MYO1D: variants seen among roughly 807,000 people sequenced by gnomAD.
The protein encoded by MYO1D is myosin ID.
Under a neutral mutation model 122.0 loss-of-function variants are expected in MYO1D, and 83 were observed. The ratio of observed to expected loss-of-function variants is 0.68; its 90% CI spans 0.57 to 0.82. The LOEUF (loss-of-function observed/expected upper bound fraction) is 0.82. MYO1D is among the 40% of genes least tolerant of loss of function. The pLI, the probability that MYO1D is intolerant of heterozygous loss-of-function variation, is 0.00. For missense variants in MYO1D, 1,157 were observed against 1,269.5 expected (o/e 0.91, Z 1.35); for synonymous variants, 464 against 446.9 (o/e 1.04, Z -0.48).
At chr17:32,538,480 TG>T in intron 21 of MYO1D, among the ~76,000 whole-genome samples, 1 of 149,306 alleles carries the variant, frequency 6.7e-6, no homozygotes, top group Non-Finnish European at 1.5e-5. Context: ...TTTTTTTTTT[TG>T]TAGAGATGGG....
intron 16 of MYO1D, among the ~76,000 whole-genome samples, chr17:32,677,348 T>C (rs919326417): frequency 6.6e-6 from 1 of 152,046 alleles, no homozygotes; most frequent in Non-Finnish European, 1.5e-5. Context: ...TTATCCATAA[T>C]TAAAAATGTG....
intron 16 of MYO1D, among the ~76,000 whole-genome samples, chr17:32,679,086 G>A (rs1043374168): frequency 1.8e-4 from 27 of 151,930 alleles, no homozygotes; most frequent in East Asian, 5.8e-4. Flanking sequence ...CATGTCCTTC[G>A]CCCACTTTTT....
chr17:32,560,095 A>T (rs1209836940), intron 21 of MYO1D, among the ~76,000 whole-genome samples: 1 of 152,082 alleles, frequency 6.6e-6, no homozygotes, highest in Non-Finnish European at 1.5e-5. Context: ...ATCTCTACTA[A>T]AAATACAAAA....
At chr17:32,645,217 CT>C (rs1406630072) in intron 19 of MYO1D, among the ~76,000 whole-genome samples, 1 of 152,194 alleles carries the variant, frequency 6.6e-6, no homozygotes, top group Non-Finnish European at 1.5e-5. Flanking sequence ...AAATTCTTTT[CT>C]TTAAGAATGT....
At chr17:32,850,573 G>A (rs892442261) in intron 1 of MYO1D, among the ~76,000 whole-genome samples, 2 of 152,100 alleles carry the variant, frequency 1.3e-5, no homozygotes, top group Admixed American at 6.6e-5. Context: ...CTCTTTCATT[G>A]TTTCTCTATA....
chr17:32,867,849 T>A, intron 1 of MYO1D, among the ~76,000 whole-genome samples: 1 of 131,618 alleles, frequency 7.6e-6, no homozygotes, highest in Non-Finnish European at 1.6e-5. Context: ...CTAGCTTTAA[T>A]ACCAGGAGAT....
At chr17:32,497,477 C>T (rs962047735) in intron 21 of MYO1D, 6 of 152,158 alleles carry the variant, frequency 3.9e-5, no homozygotes, top group African/African-American at 1.2e-4. Context: ...AATAAATCGG[C>T]ACCCAGGATA....
At chr17:32,725,087 G>C (rs1329838461) in intron 14 of MYO1D, among the ~76,000 whole-genome samples, 1 of 152,154 alleles carries the variant, frequency 6.6e-6, no homozygotes, top group Non-Finnish European at 1.5e-5. Context: ...CATGTTCAAG[G>C]TGACAAAAGA....
At chr17:32,631,064 TAC>T (rs2087998967) in intron 20 of MYO1D, among the ~76,000 whole-genome samples, 1 of 152,196 alleles carries the variant, frequency 6.6e-6, no homozygotes, top group African/African-American at 2.4e-5. Context: ...CATCTCCAAA[TAC>T]AGTCACTTTC....
Position 32,638,782 on chromosome 17 carries a change from G to T in MYO1D, c.2649C>A (p.His883Gln). ...EDRAIFVTDR[H>Q]LYKMDPTKQY... ...GTTTAGTGGGATCCATTTTATACAGGTGACGGTCAGTGACAAAAATTGCTC... is the reference window on the plus strand; with the variant it reads ...GTTTAGTGGGATCCATTTTATACAGTTGACGGTCAGTGACAAAAATTGCTC... Residue 883 changes from histidine to glutamine, a missense_variant, in exon 20 of 22, where the codon CAC becomes CAA. Coordinates refer to ENST00000318217, the MANE Select transcript of MYO1D (RefSeq NM_015194.3). 6.2e-7 allele frequency: 1 copy of T among 1,613,902 alleles called. No homozygotes were observed. The highest frequency in any genetic ancestry group is 1.1e-5 in the South Asian group (1 of 91,066).
chr17:32,579,241 A>G (rs1185654695), intron 21 of MYO1D, among the ~76,000 whole-genome samples: 1 of 151,470 alleles, frequency 6.6e-6, no homozygotes, highest in African/African-American at 2.4e-5. Flanking sequence ...GTAATTTTTA[A>G]ATTTTTTTGT....
Position 32,654,604 on chromosome 17 carries a change from A to G in MYO1D, c.2363T>C (p.Leu788Pro). 6.2e-7 allele frequency: 1 copy of G among 1,611,268 alleles called. No individual in the cohort carries two copies. Among genetic ancestry groups the G allele is most frequent in the Non-Finnish European group, 8.5e-7 (1 of 1,178,986 alleles). Residue 788 changes from leucine to proline, a missense_variant, in exon 18 of 22, where the codon CTC becomes CCC. By Grantham distance (98) the Leu-to-Pro change is moderately conservative. Coordinates refer to ENST00000318217, the MANE Select transcript of MYO1D (RefSeq NM_015194.3). ...TIFNRWRASQLIKSIPASDLP... is the reference protein window; with the variant it reads ...TIFNRWRASQPIKSIPASDLP... ...GTCTGAGGCCGGAATGCTCTTGATG[A>G]GCTGGGATGCTCTCCATCTACAAGT...
chr17:32,697,383 C>T (rs1302215536), intron 16 of MYO1D, among the ~76,000 whole-genome samples: 5 of 152,132 alleles, frequency 3.3e-5, no homozygotes, highest in East Asian at 3.8e-4. Context: ...ATCAAAGGTA[C>T]GCTTTTGTTT....
At chr17:32,677,178 A>G (rs1329052483) in intron 16 of MYO1D, among the ~76,000 whole-genome samples, 1 of 152,144 alleles carries the variant, frequency 6.6e-6, no homozygotes, top group Non-Finnish European at 1.5e-5. Context: ...TACTGCTGCT[A>G]TAGTTAGAAA....
chr17:32,876,388 C>T (rs769366784), intron 1 of MYO1D, among the ~76,000 whole-genome samples: 3 of 152,158 alleles, frequency 2.0e-5, no homozygotes, highest in Non-Finnish European at 4.4e-5. Flanking sequence ...TCGGGGCCAC[C>T]GCAACTCTCG....
At chr17:32,811,155 G>T (rs187530307) in intron 1 of MYO1D, among the ~76,000 whole-genome samples, 1 of 152,296 alleles carries the variant, frequency 6.6e-6, no homozygotes, top group East Asian at 1.9e-4. Context: ...GCTCTCAAAA[G>T]GGCATCTACA....
chr17:32,848,735 C>T (rs1334614478), intron 1 of MYO1D, among the ~76,000 whole-genome samples: 1 of 152,118 alleles, frequency 6.6e-6, no homozygotes, highest in African/African-American at 2.4e-5. Context: ...ATTACTGGTG[C>T]CGTTGCTACC....
chr17:32,670,410 T>C (rs1180985740), intron 16 of MYO1D, among the ~76,000 whole-genome samples: 2 of 152,098 alleles, frequency 1.3e-5, no homozygotes, highest in East Asian at 3.9e-4. Context: ...AATAGATCTA[T>C]ATACACAGAT....
rs2087185556 is a variant in MYO1D at position 32,567,628 on chromosome 17, AAC to A, written c.2864+37457_2864+37458del. Among the ~76,000 whole-genome samples the A allele has an allele frequency of 2.0e-5, 3 of 152,360 alleles. No homozygotes were observed. The South Asian group carries it at 6.2e-4, about 32-fold the overall frequency. On this transcript the variant is annotated intron_variant, in intron 21 of 21. Transcript: ENST00000318217. ...TGTGCTGTGTTGCTTCTCAAGCATG[AAC>A]ATGCTAAGAACTTGGGCTTCAGTCA...
Sources: gnomAD v4.1 joint callset for allele counts (sites outside exome capture counted in the v4.1 genomes callset) on GRCh38, gnomAD v4.1.1 for gene constraint, MANE v1.5 for transcripts, NCBI Gene and HGNC (gene_info 2026-07-23, HGNC 2026-07-21) for gene names.